The following SYNPO2 variants were observed in gnomAD, a reference collection of about 807,000 sequenced individuals.
The protein encoded by SYNPO2 is synaptopodin-2.
Under a neutral mutation model 85.0 loss-of-function variants are expected in SYNPO2, and 56 were observed. That is an observed-to-expected ratio of 0.66 (90% CI 0.53 to 0.82). The LOEUF (loss-of-function observed/expected upper bound fraction) is 0.82, where lower values mean the gene tolerates loss of function less well. SYNPO2 is among the 40% of genes least tolerant of loss of function. SYNPO2 has a pLI of 0.00. For missense variants in SYNPO2, 1,575 were observed against 1,534.2 expected, an observed-to-expected ratio of 1.03 and a Z score of -0.44; for synonymous variants, 602 against 591.1, an observed-to-expected ratio of 1.02 and a Z score of -0.27.
intron 2 of SYNPO2, among the ~76,000 whole-genome samples, chr4:119,023,894 G>T (rs1737835441): frequency 6.6e-6 from 1 of 152,170 alleles, no homozygotes. Context: ...GATAGGTCAA[G>T]ATTTTGTGAT....
At chr4:119,001,030 T>G (rs1156943490) in intron 1 of SYNPO2, among the ~76,000 whole-genome samples, 1 of 152,230 alleles carries the variant, frequency 6.6e-6, no homozygotes, top group African/African-American at 2.4e-5. Flanking sequence ...ACATGGCTGT[T>G]CTTTCTACCC....
intron 1 of SYNPO2, among the ~76,000 whole-genome samples, chr4:118,882,204 T>C (rs1300063454): frequency 6.6e-6 from 1 of 152,206 alleles, no homozygotes; most frequent in Non-Finnish European, 1.5e-5. Context: ...AAAAAATACA[T>C]TATTTCAAAG....
At position 118,990,236 on chromosome 4, in the gene SYNPO2, C is replaced by G. The variant is rs57657549; in HGVS notation, c.106-33194C>G. Among the ~76,000 whole-genome samples the G allele has an allele frequency of 8.7e-3, 1,328 of 152,222 alleles. 13 individuals carry two copies. Among genetic ancestry groups the G allele is most frequent in the African/African-American group, 0.031 (1,268 of 41,510 alleles). On this transcript the variant is annotated intron_variant, in intron 1 of 4. Transcript: ENST00000307142. ...AGAAACACATAGAACTGACAGCTCA[C>G]ATGGTGCACAGGATGGACCCTCAGG...
At chr4:118,996,112 C>T (rs989924161) in intron 1 of SYNPO2, among the ~76,000 whole-genome samples, 2 of 152,196 alleles carry the variant, frequency 1.3e-5, no homozygotes, top group African/African-American at 4.8e-5. Context: ...TGTCCAGCCT[C>T]ATCTCTCTCA....
chr4:118,977,425 C>T (rs1735831339), intron 1 of SYNPO2, among the ~76,000 whole-genome samples: 1 of 152,242 alleles, frequency 6.6e-6, no homozygotes, highest in Admixed American at 6.5e-5. Flanking sequence ...CCCGCTCACG[C>T]CTCTCCCTCC....
At position 119,027,427 on chromosome 4, in the gene SYNPO2, C is replaced by G. The variant is rs776284798; in HGVS notation, c.1058C>G (p.Ala353Gly). Residue 353 changes from alanine (A) to glycine (G), a missense_variant, in exon 3 of 5, where the codon GCG becomes GGG. Transcript: ENST00000307142. ...KDHSRPHKHR[A>G]RHARLRRSES... is the part of the protein sequence containing the mutation. ...CACAGCAGACCTCACAAGCACCGAG[C>G]GCGGCATGCACGTAAGTTCTGCCTG... 6.3e-7 allele frequency: 1 copy of G among 1,594,350 alleles called. No homozygotes were observed. The highest frequency in any genetic ancestry group is 8.6e-7 in the Non-Finnish European group (1 of 1,166,544).
chr4:119,012,375 C>CTTTTTTTTTT (rs10651853), intron 1 of SYNPO2, among the ~76,000 whole-genome samples: 60 of 109,728 alleles, frequency 5.5e-4, no homozygotes, highest in African/African-American at 7.0e-4. Context: ...TCCCCCTTTT[C>CTTTTTTTTTT]TTTTTTTTTT....
chr4:118,862,649 A>G (rs1731630207), intron 1 of SYNPO2, among the ~76,000 whole-genome samples: 1 of 152,122 alleles, frequency 6.6e-6, no homozygotes, highest in South Asian at 2.1e-4. Flanking sequence ...CATATGTTGA[A>G]CCATTCCTTG....
intron 4 of SYNPO2, chr4:119,037,745 C>A: frequency 2.7e-6 from 2 of 738,828 alleles, no homozygotes; most frequent in Non-Finnish European, 3.3e-6. Context: ...AAAATTTGGG[C>A]CCTGATTTGT....
chr4:118,946,050 A>G (rs1199788795), intron 1 of SYNPO2, among the ~76,000 whole-genome samples: 2 of 152,076 alleles, frequency 1.3e-5, no homozygotes, highest in African/African-American at 4.8e-5. Context: ...GGCCAATAAC[A>G]CTTTCTTTAA....
chr4:119,015,653 T>C (rs1737496631), intron 1 of SYNPO2, among the ~76,000 whole-genome samples: 1 of 152,216 alleles, frequency 6.6e-6, no homozygotes, highest in Admixed American at 6.5e-5. Flanking sequence ...CATTTAGCTA[T>C]TTGGGATGTA....
Position 119,058,360 on chromosome 4 carries a change from T to G in SYNPO2, c.*426T>G, listed in dbSNP as rs1739285380. ...ATATGGTGTGCTAATTATCACTACC[T>G]ATAACATGAGGAATATAACATTGCA... On this transcript the variant is annotated 3_prime_UTR_variant, in exon 5 of 5. Transcript: ENST00000307142. The G allele has an allele frequency of 6.4e-6, 1 of 155,356 alleles. No individual in the cohort carries two copies. The allele number at this position is 155,356 out of a possible 1,614,324, so 9.6% of individuals were successfully genotyped here.
At chr4:118,897,646 A>G (rs958150802) in intron 1 of SYNPO2, among the ~76,000 whole-genome samples, 3 of 152,218 alleles carry the variant, frequency 2.0e-5, no homozygotes, top group African/African-American at 7.2e-5. Context: ...CCTTTTAAAT[A>G]TAATGACAGA....
At chr4:118,981,354 G>A (rs1736000619) in intron 1 of SYNPO2, among the ~76,000 whole-genome samples, 1 of 152,180 alleles carries the variant, frequency 6.6e-6, no homozygotes, top group Admixed American at 6.5e-5. Flanking sequence ...AACCAGAGAA[G>A]TTAATCATAG....
chr4:118,949,644 G>A (rs1424617164), intron 1 of SYNPO2, among the ~76,000 whole-genome samples: 1 of 151,970 alleles, frequency 6.6e-6, no homozygotes, highest in Non-Finnish European at 1.5e-5. Flanking sequence ...AGCTACTCGG[G>A]AGGCTGAGGC....
intron 1 of SYNPO2, among the ~76,000 whole-genome samples, chr4:118,856,543 A>G (rs1731509729): frequency 1.3e-5 from 2 of 151,892 alleles, no homozygotes; most frequent in Non-Finnish European, 2.9e-5. Flanking sequence ...TTTTATGTTT[A>G]TTGACTTTTT....
At position 118,985,075 on chromosome 4, in the gene SYNPO2, C is replaced by T. The variant is rs147996938; in HGVS notation, c.106-38355C>T. 4.3e-3 allele frequency among the ~76,000 whole-genome samples: 651 copies of T among 152,312 alleles called. 9 individuals carry two copies. The highest frequency in any genetic ancestry group is 0.013 in the African/African-American group (561 of 41,568). On this transcript the variant is annotated intron_variant, in intron 1 of 4. Transcript: ENST00000307142. ...TGAAGATTCCCAGGCTCCAAGAAAC[C>T]TACTGGTTCAGAGTCTCTGGGGTAG...
exon 1 of SYNPO2, chr4:118,850,826 T>C (rs1288240363): frequency 7.5e-6 from 3 of 398,454 alleles, no homozygotes; most frequent in Non-Finnish European, 1.3e-5. Flanking sequence ...GACTGTCATA[T>C]AGAGTGAGAA....
intron 4 of SYNPO2, among the ~76,000 whole-genome samples, chr4:119,054,195 G>A (rs564995867): frequency 3.9e-5 from 6 of 152,360 alleles, no homozygotes; most frequent in African/African-American, 1.4e-4. Context: ...GGCCCACAGC[G>A]GTGCCCAGGT....
Sources: gnomAD v4.1 joint callset for allele counts (sites outside exome capture counted in the v4.1 genomes callset) on GRCh38, gnomAD v4.1.1 for gene constraint, MANE v1.5 for transcripts, NCBI Gene and HGNC (gene_info 2026-07-23, HGNC 2026-07-21) for gene names.